MACO1: variants seen among roughly 807,000 people sequenced by gnomAD.
The protein encoded by MACO1 is macoilin 1.
Under a neutral mutation model 78.7 loss-of-function variants are expected in MACO1, and 14 were observed. That is an observed-to-expected ratio of 0.18 (90% CI 0.12 to 0.28). The LOEUF is 0.28. MACO1 is among the 10% of genes least tolerant of loss of function. MACO1 has a pLI of 1.00. For missense variants in MACO1, 501 were observed against 799.0 expected, an observed-to-expected ratio of 0.63 and a Z score of 4.50; for synonymous variants, 288 against 291.6, an observed-to-expected ratio of 0.99 and a Z score of 0.12.
chr1:25,477,728 A>G (rs777751465), intron 6 of MACO1, among the ~76,000 whole-genome samples: 6 of 152,228 alleles, frequency 3.9e-5, no homozygotes, highest in East Asian at 1.9e-4. Context: ...AACTTCCCCT[A>G]TGCTTTCAGT....
intron 10 of MACO1, among the ~76,000 whole-genome samples, chr1:25,493,580 A>G (rs971632694): frequency 6.6e-6 from 1 of 152,164 alleles, no homozygotes; most frequent in Non-Finnish European, 1.5e-5. Flanking sequence ...TAAAAATAAC[A>G]TACAAACATA....
chr1:25,451,514 T>C (rs546100328), intron 3 of MACO1, among the ~76,000 whole-genome samples: 4 of 152,336 alleles, frequency 2.6e-5, no homozygotes, highest in Non-Finnish European at 4.4e-5. Flanking sequence ...TAAATTAATA[T>C]AGAGAATAGG....
At chr1:25,440,418 AAAAG>A (rs1317413938) in intron 1 of MACO1, among the ~76,000 whole-genome samples, 14 of 151,496 alleles carry the variant, frequency 9.2e-5, no homozygotes, top group African/African-American at 2.7e-4. Flanking sequence ...AAAAAAAAAA[AAAAG>A]AAGAAAGAAA....
chr1:25,476,961 T>C (rs2043326141), intron 6 of MACO1, among the ~76,000 whole-genome samples: 1 of 152,252 alleles, frequency 6.6e-6, no homozygotes, highest in Non-Finnish European at 1.5e-5. Flanking sequence ...ATTAGTGACA[T>C]GATCTATAAG....
intron 1 of MACO1, among the ~76,000 whole-genome samples, chr1:25,440,767 C>CAA (rs71815906): frequency 1.9e-5 from 2 of 107,132 alleles, no homozygotes; most frequent in Non-Finnish European, 1.9e-5. Context: ...GACTCCATCT[C>CAA]AAAAAAAAAA....
chr1:25,479,267 C>T (rs1223023262), intron 6 of MACO1, among the ~76,000 whole-genome samples: 1 of 152,190 alleles, frequency 6.6e-6, no homozygotes, highest in African/African-American at 2.4e-5. Context: ...GTACTTCACA[C>T]TAATAAATTA....
intron 1 of MACO1, among the ~76,000 whole-genome samples, chr1:25,440,123 C>T (rs2042956519): frequency 6.6e-6 from 1 of 150,818 alleles, no homozygotes; most frequent in African/African-American, 2.4e-5. Flanking sequence ...TGTGGTGGCT[C>T]ATGCCTGTAG....
Position 25,458,534 on chromosome 1 carries a change from C to T in MACO1, c.796C>T (p.His266Tyr). Residue 266 changes from histidine to tyrosine, a missense_variant, in exon 6 of 11, where the codon CAC becomes TAC. His to Tyr is a moderately conservative substitution (Grantham distance 83, BLOSUM62 2). Coordinates refer to ENST00000374343, the MANE Select transcript of MACO1 (RefSeq NM_018202.6). The stretch of plus-strand genomic sequence containing the variant: ...AGAAAAGGACAAGGATGCCAAAAAA[C>T]ACAACCTTGGAATAAATAACAACAA... ...GKEKDKDAKK[H>Y]NLGINNNNIL... The T allele has an allele frequency of 6.2e-7, 1 of 1,613,190 alleles. No homozygotes were observed. Among genetic ancestry groups the T allele is most frequent in the Non-Finnish European group, 8.5e-7 (1 of 1,179,534 alleles).
In MACO1 at chr1:25,499,825, A is replaced by AT. The variant is rs1372869377; in HGVS notation, c.*1361dup. 6.6e-6 allele frequency: 1 copy of AT among 152,210 alleles called. No homozygotes were observed. Among genetic ancestry groups the AT allele is most frequent in the Admixed American group, 6.5e-5 (1 of 15,284 alleles). 9.4% of individuals were successfully genotyped at this position (152,210 alleles called of 1,614,324 possible). ...ATAGTTCTTCTAAAATTTCCTGTTA[A>AT]TTGGCATGTACGTCTCATTTAAAGC... On this transcript the variant is annotated 3_prime_UTR_variant, in exon 11 of 11. Coordinates refer to ENST00000374343, the MANE Select transcript of MACO1 (RefSeq NM_018202.6).
chr1:25,484,221 G>A lies in MACO1; in HGVS notation c.1260G>A (p.Gly420=). The A allele has an allele frequency of 6.8e-6, 11 of 1,613,862 alleles. No individual in the cohort carries two copies. Among genetic ancestry groups the A allele is most frequent in the Non-Finnish European group, 9.3e-6 (11 of 1,179,964 alleles). ...QISSLSSTER[G]IRSEMGQLRQ... is the part of the protein sequence containing the mutation. Reference sequence around the variant, plus strand: ...GCTCCCTTTCGAGCACCGAGCGAGGGATCCGCTCAGAAATGGGCCAGCTTC... The same window carrying A: ...GCTCCCTTTCGAGCACCGAGCGAGGAATCCGCTCAGAAATGGGCCAGCTTC... The change falls in exon 7 of 11, where the codon GGG becomes GGA. Residue 420 remains glycine, a synonymous_variant. Coordinates refer to ENST00000374343, the MANE Select transcript of MACO1 (RefSeq NM_018202.6).
intron 1 of MACO1, among the ~76,000 whole-genome samples, chr1:25,443,051 T>C (rs942772351): frequency 1.4e-4 from 22 of 152,210 alleles, no homozygotes; most frequent in African/African-American, 5.3e-4. Context: ...AGAAATATTT[T>C]AGAATGCCAT....
chr1:25,491,374 T>A, intron 9 of MACO1, 36 bp from the exon 10 acceptor site: 1 of 1,609,692 alleles, frequency 6.2e-7, no homozygotes, highest in Non-Finnish European at 8.5e-7. Context: ...ATGCCAAAAC[T>A]ACCTTGTAGC....
chr1:25,448,372 AAGAATC>A (rs1398411734), intron 2 of MACO1, among the ~76,000 whole-genome samples: 1 of 152,152 alleles, frequency 6.6e-6, no homozygotes, highest in African/African-American at 2.4e-5. Flanking sequence ...GCCGAGGCAG[AAGAATC>A]GCTTGAACCC....
intron 1 of MACO1, among the ~76,000 whole-genome samples, chr1:25,437,116 C>T (rs572699553): frequency 2.0e-5 from 3 of 149,164 alleles, no homozygotes; most frequent in South Asian, 2.1e-4. Flanking sequence ...CATATTGTTA[C>T]GTTGTTCATC....
chr1:25,469,682 GC>G (rs1557669224), intron 6 of MACO1, among the ~76,000 whole-genome samples: 2 of 148,262 alleles, frequency 1.3e-5, no homozygotes, highest in African/African-American at 5.0e-5. Flanking sequence ...TGTCACCCAG[GC>G]CGTAGTGCAG....
intron 3 of MACO1, among the ~76,000 whole-genome samples, chr1:25,449,527 C>T (rs969190225): frequency 6.6e-6 from 1 of 151,966 alleles, no homozygotes; most frequent in Non-Finnish European, 1.5e-5. Context: ...TCGTTGATTT[C>T]TTTTTTAAAA....
intron 1 of MACO1, among the ~76,000 whole-genome samples, chr1:25,432,593 G>A (rs945154190): frequency 6.6e-6 from 1 of 152,194 alleles, no homozygotes; most frequent in Admixed American, 6.5e-5. Flanking sequence ...TCTACACATA[G>A]ATGGAGGAAA....
intron 6 of MACO1, among the ~76,000 whole-genome samples, chr1:25,477,943 A>G (rs528543671): frequency 6.6e-6 from 1 of 152,312 alleles, no homozygotes; most frequent in South Asian, 2.1e-4. Context: ...ACTAAAAGCT[A>G]ATACTTAAAT....
At chr1:25,461,112 C>CA (rs760579188) in intron 6 of MACO1, among the ~76,000 whole-genome samples, 2 of 146,848 alleles carry the variant, frequency 1.4e-5, no homozygotes, top group Admixed American at 7.1e-5. Flanking sequence ...ATCGCAAGGA[C>CA]AAAAAACCAA....
Sources: gnomAD v4.1 joint callset for allele counts (sites outside exome capture counted in the v4.1 genomes callset) on GRCh38, gnomAD v4.1.1 for gene constraint, MANE v1.5 for transcripts, NCBI Gene and HGNC (gene_info 2026-07-23, HGNC 2026-07-21) for gene names.